CACNA2D1: variants seen among roughly 807,000 people sequenced by gnomAD.
CACNA2D1 encodes the protein calcium voltage-gated channel auxiliary subunit alpha2delta 1.
Under a neutral mutation model 171.5 loss-of-function variants are expected in CACNA2D1, and 53 were observed. The ratio of observed to expected loss-of-function variants is 0.31; its 90% CI spans 0.25 to 0.39. The LOEUF (loss-of-function observed/expected upper bound fraction) is 0.39. Among genes scored for constraint, CACNA2D1 ranks in the 10% least tolerant of loss-of-function variants. The pLI is 1.00. For missense variants in CACNA2D1, 903 were observed against 1,299.8 expected, an observed-to-expected ratio of 0.69 and a Z score of 4.69; for synonymous variants, 442 against 443.1, an observed-to-expected ratio of 1.00 and a Z score of 0.03.
At position 82,393,309 on chromosome 7, in the gene CACNA2D1, T is replaced by C. The variant is rs3801673; in HGVS notation, c.96-43660A>G. Among the ~76,000 whole-genome samples, 562 of 152,310 alleles carry C rather than the reference T, an allele frequency of 3.7e-3. 4 individuals are homozygous for C. Among genetic ancestry groups the C allele is most frequent in the East Asian group, 0.024 (126 of 5,170 alleles). On this transcript the variant is annotated intron_variant, in intron 1 of 38. Coordinates refer to ENST00000356860, the MANE Select transcript of CACNA2D1 (RefSeq NM_000722.4). ...GCAATAGGGAAACATTGACCTCTTA[T>C]ACAAAGAACAGCAGTAAGCATGCTC...
At chr7:82,050,046 G>C (rs1254104889) in intron 10 of CACNA2D1, among the ~76,000 whole-genome samples, 1 of 152,180 alleles carries the variant, frequency 6.6e-6, no homozygotes, top group Non-Finnish European at 1.5e-5. Context: ...GAGTAGCGAA[G>C]TTCCTTATCT....
chr7:82,438,819 T>C (rs1193694639), intron 1 of CACNA2D1, among the ~76,000 whole-genome samples: 3 of 152,216 alleles, frequency 2.0e-5, no homozygotes, highest in Non-Finnish European at 4.4e-5. Context: ...TGACCTGCTT[T>C]TTGAAACACT....
At chr7:82,062,860 C>T (rs1807125200) in intron 9 of CACNA2D1, among the ~76,000 whole-genome samples, 1 of 150,846 alleles carries the variant, frequency 6.6e-6, no homozygotes, top group Non-Finnish European at 1.5e-5. Context: ...CCACCTCAGC[C>T]TCCAAAATGT....
chr7:81,951,969 G>GTTTTTTTTTTTTTTTTTTTTTTTT (rs774805421), intron 38 of CACNA2D1, among the ~76,000 whole-genome samples: 4 of 71,912 alleles, frequency 5.6e-5, no homozygotes, highest in African/African-American at 1.2e-4. Flanking sequence ...TGTACAAAGT[G>GTTTTTTTTTTTTTTTTTTTTTTTT]TTTTTTTTTT....
Position 82,050,895 on chromosome 7 carries a change from G to T in CACNA2D1, c.879+9533C>A, listed in dbSNP as rs11523208. On this transcript the variant is annotated intron_variant, in intron 10 of 38. Transcript: ENST00000356860. ...CTGACAGAAGCCCTAGGTTACTTGT[G>T]TAAGGTCATAAAACTAGTAGTTTCC... The T allele has an allele frequency of 2.8e-3, 1,109 of 396,754 alleles. 5 individuals carry two copies. The highest frequency in any genetic ancestry group is 4.0e-3 in the Non-Finnish European group (849 of 211,258). 24.6% of individuals were successfully genotyped at this position (396,754 alleles called of 1,614,324 possible). A position where few individuals can be genotyped will look rare whatever the true frequency, so the allele number is the denominator to read the frequency against.
At chr7:82,318,116 T>C (rs1449042255) in intron 3 of CACNA2D1, among the ~76,000 whole-genome samples, 1 of 152,124 alleles carries the variant, frequency 6.6e-6, no homozygotes, top group African/African-American at 2.4e-5. Flanking sequence ...TCAAATGATA[T>C]ACTTCACTTT....
intron 7 of CACNA2D1, among the ~76,000 whole-genome samples, chr7:82,076,510 T>A (rs1808985096): frequency 2.0e-5 from 3 of 152,162 alleles, no homozygotes; most frequent in African/African-American, 7.2e-5. Flanking sequence ...ACATCAGTCA[T>A]TAAATTCATG....
At chr7:82,209,710 A>G (rs1202382873) in intron 3 of CACNA2D1, among the ~76,000 whole-genome samples, 1 of 152,188 alleles carries the variant, frequency 6.6e-6, no homozygotes, top group Non-Finnish European at 1.5e-5. Flanking sequence ...AGAAACAAAA[A>G]CACGCATTTT....
chr7:82,080,698 G>A (rs983316565), intron 7 of CACNA2D1, among the ~76,000 whole-genome samples: 1 of 152,128 alleles, frequency 6.6e-6, no homozygotes, highest in Non-Finnish European at 1.5e-5. Context: ...ACAGAAAAGT[G>A]ACCTAAGGCC....
At chr7:82,015,602 C>T (rs1800352721) in intron 12 of CACNA2D1, among the ~76,000 whole-genome samples, 2 of 151,930 alleles carry the variant, frequency 1.3e-5, no homozygotes, top group South Asian at 2.1e-4. Context: ...TCTAAGTAAA[C>T]CCATACTCTC....
At chr7:82,134,918 G>A (rs1258040159) in intron 5 of CACNA2D1, among the ~76,000 whole-genome samples, 1 of 151,986 alleles carries the variant, frequency 6.6e-6, no homozygotes, top group African/African-American at 2.4e-5. Flanking sequence ...GATTGAAACT[G>A]GAGTGATAGT....
chr7:82,092,769 T>C (rs982651914), intron 6 of CACNA2D1, among the ~76,000 whole-genome samples: 9 of 151,992 alleles, frequency 5.9e-5, no homozygotes, highest in African/African-American at 1.4e-4. Context: ...TTCTATTCTA[T>C]ATTTTAGAGT....
intron 7 of CACNA2D1, among the ~76,000 whole-genome samples, chr7:82,070,421 T>A (rs942973973): frequency 6.6e-6 from 1 of 152,212 alleles, no homozygotes; most frequent in Non-Finnish European, 1.5e-5. Context: ...AGTAAAGTAC[T>A]TCTAACTCAA....
In CACNA2D1 at chr7:81,965,684, C is replaced by A; in HGVS notation, c.2503-19G>T. On this transcript the variant is annotated intron_variant, in intron 31 of 38. Transcript: ENST00000356860. ...CCATTACCTATCAAAATAAAGTGAA[C>A]AGTTAACACATTTTTAGAAAGGTTA... 3 of 1,469,586 alleles carry A rather than the reference C, an allele frequency of 2.0e-6. No homozygotes were observed. Among genetic ancestry groups the A allele is most frequent in the Non-Finnish European group, 2.9e-6 (3 of 1,049,168 alleles). 91.0% of individuals were successfully genotyped at this position (1,469,586 alleles called of 1,614,324 possible).
chr7:82,217,686 A>G (rs902821727), intron 3 of CACNA2D1, among the ~76,000 whole-genome samples: 10 of 150,550 alleles, frequency 6.6e-5, no homozygotes, highest in Non-Finnish European at 1.3e-4. Flanking sequence ...CATAATTGGT[A>G]TAGGTCTAAC....
At chr7:82,224,592 G>GA (rs759239442) in intron 3 of CACNA2D1, among the ~76,000 whole-genome samples, 22 of 151,844 alleles carry the variant, frequency 1.4e-4, no homozygotes, top group South Asian at 4.2e-4. Flanking sequence ...GAAAAAAAAA[G>GA]AAAAAAGAAA....
intron 1 of CACNA2D1, among the ~76,000 whole-genome samples, chr7:82,403,791 T>A (rs2129452383): frequency 6.6e-6 from 1 of 152,266 alleles, no homozygotes; most frequent in South Asian, 2.1e-4. Flanking sequence ...CTCAATCTCC[T>A]TCCAAGGCTG....
chr7:82,222,331 C>A (rs1432138610), intron 3 of CACNA2D1, among the ~76,000 whole-genome samples: 1 of 152,112 alleles, frequency 6.6e-6, no homozygotes. Context: ...ACCGGGGCAG[C>A]CAGAAAGAAC....
chr7:82,222,114 C>T (rs1801839841), intron 3 of CACNA2D1, among the ~76,000 whole-genome samples: 1 of 152,040 alleles, frequency 6.6e-6, no homozygotes, highest in Non-Finnish European at 1.5e-5. Flanking sequence ...CTGCAGGAGG[C>T]AAAGAGAATA....
Sources: allele counts gnomAD v4.1 joint callset (sites outside exome capture counted in the v4.1 genomes callset), GRCh38; gene constraint gnomAD v4.1.1; transcripts MANE v1.5; gene names NCBI Gene and HGNC (gene_info 2026-07-23, HGNC 2026-07-21).